The following TSSK3 variants were observed in gnomAD, a reference collection of about 807,000 sequenced individuals.
TSSK3 encodes the protein testis-specific serine/threonine-protein kinase 3.
A neutral mutation model predicts 18.9 loss-of-function variants in TSSK3; 16 were observed. The observed-to-expected ratio is 0.85, with a 90% CI of 0.57 to 1.28. The LOEUF (loss-of-function observed/expected upper bound fraction) is 1.28, where lower values mean the gene tolerates loss of function less well. Ranked by LOEUF, TSSK3 falls within the 50% of genes most tolerant of loss-of-function variation. The pLI is 0.00. For missense variants in TSSK3, 345 were observed against 341.0 expected (o/e 1.01, Z -0.09); for synonymous variants, 146 against 133.9 (o/e 1.09, Z -0.62).
Position 32,363,948 on chromosome 1 carries a change from C to G in TSSK3, c.499C>G (p.Gln167Glu). The G allele has an allele frequency of 1.9e-6, 3 of 1,614,258 alleles. No homozygotes were observed. The highest frequency in any genetic ancestry group is 2.5e-6 in the Non-Finnish European group (3 of 1,180,052). The change falls in exon 2 of 2, where the codon CAG becomes GAG. Residue 167 changes from glutamine (Q) to glutamate (E), a missense_variant. Coordinates refer to ENST00000373534, the MANE Select transcript of TSSK3 (RefSeq NM_052841.4). The part of the protein sequence containing the change: ...VLPKSHRELS[Q>E]TFCGSTAYAA... ...GCCCAAGTCACACCGGGAGCTGAGC[C>G]AGACCTTCTGCGGCAGTACAGCCTA...
chr1:32,362,584 C>A lies in TSSK3; in HGVS notation c.-118C>A. ...ACAGAGAATGTTCTAACGCTGGGGG[C>A]GGCTGCGGATGAAGTCCTTGGGGAG... On this transcript the variant is annotated 5_prime_UTR_variant, in exon 1 of 2. Transcript: ENST00000373534. 1 of 1,212,554 alleles carries A rather than the reference C, an allele frequency of 8.2e-7. No homozygotes were observed. The highest frequency in any genetic ancestry group is 1.2e-6 in the Non-Finnish European group (1 of 855,670). 75.1% of individuals were successfully genotyped at this position (1,212,554 alleles called of 1,614,324 possible). A position where few individuals can be genotyped will look rare whatever the true frequency, so the allele number is the denominator to read the frequency against.
rs561657264 is a variant in TSSK3, at chr1:32,363,786, G to A, written c.337G>A (p.Ala113Thr). 8 of 1,614,274 alleles carry A rather than the reference G, an allele frequency of 5.0e-6. No homozygotes were observed. The East Asian group carries it at 1.3e-4, about 27-fold the overall frequency. Residue 113 changes from alanine to threonine, a missense_variant, in exon 2 of 2, where the codon GCC (alanine) becomes ACC (threonine). Physicochemically the swap from Ala to Thr is moderately conservative, Grantham distance 58. Coordinates refer to ENST00000373534, the MANE Select transcript of TSSK3 (RefSeq NM_052841.4). ...GGPLPESRAKALFRQMVEAIR... is the reference protein window; with the variant it reads ...GGPLPESRAKTLFRQMVEAIR... ...GCCACTGCCTGAAAGCCGGGCCAAG[G>A]CCCTCTTCCGTCAGATGGTTGAGGC... is the stretch of plus-strand genomic sequence containing the variant.
In TSSK3 at chr1:32,363,956, C is replaced by G; in HGVS notation, c.507C>G (p.Phe169Leu). Residue 169 changes from phenylalanine (F) to leucine (L), a missense_variant, in exon 2 of 2, where the codon TTC (phenylalanine) becomes TTG (leucine). Coordinates refer to ENST00000373534, the MANE Select transcript of TSSK3 (RefSeq NM_052841.4). ...PKSHRELSQT[F>L]CGSTAYAAPE... The stretch of plus-strand genomic sequence containing the variant: ...CACACCGGGAGCTGAGCCAGACCTT[C>G]TGCGGCAGTACAGCCTATGCTGCCC... The G allele has an allele frequency of 6.2e-7, 1 of 1,614,282 alleles. No individual in the cohort carries two copies. Among genetic ancestry groups the G allele is most frequent in the Non-Finnish European group, 8.5e-7 (1 of 1,180,044 alleles).
Position 32,364,025 on chromosome 1 carries a change from T to C in TSSK3, c.576T>C (p.Asp192=), listed in dbSNP as rs1186753109. 8 of 1,614,130 alleles carry C rather than the reference T, an allele frequency of 5.0e-6. No homozygotes were observed. The highest frequency in any genetic ancestry group is 4.2e-6 in the Non-Finnish European group (5 of 1,180,052). ...TTCCCCACGATAGCAAAAAAGGTGA[T>C]GTCTGGAGCATGGGTGTGGTCCTGT... ...QGIPHDSKKG[D]VWSMGVVLYV... The change falls in exon 2 of 2, where the codon GAT becomes GAC. Residue 192 remains aspartate (D), a synonymous_variant. Coordinates refer to ENST00000373534, the MANE Select transcript of TSSK3 (RefSeq NM_052841.4).
Position 32,363,128 on chromosome 1 carries a change from G to C in TSSK3, c.145+282G>C, listed in dbSNP as rs116353672. On this transcript the variant is annotated intron_variant, in intron 1 of 1. Coordinates refer to ENST00000373534, the MANE Select transcript of TSSK3 (RefSeq NM_052841.4). Reference sequence around the variant, plus strand: ...CTTTCCTTTCCGGCAGGGGAACAGAGACTGGCAGAGGCCACAACCAGGGCT... The same window carrying C: ...CTTTCCTTTCCGGCAGGGGAACAGACACTGGCAGAGGCCACAACCAGGGCT... 320 of 431,956 alleles carry C rather than the reference G, an allele frequency of 7.4e-4. 1 individual carries two copies. Among genetic ancestry groups the C allele is most frequent in the African/African-American group, 5.7e-3 (287 of 50,616 alleles). The allele number at this position is 431,956 out of a possible 1,614,324, so 26.8% of individuals were successfully genotyped here.
intron 1 of TSSK3, 47 bp from the exon 2 acceptor site, chr1:32,363,548 G>A (rs1413501726): frequency 1.3e-6 from 2 of 1,559,722 alleles, no homozygotes; most frequent in Non-Finnish European, 1.7e-6. Context: ...TGAGGAGGTG[G>A]GCCTTTCTGA....
At position 32,362,741 on chromosome 1, in the gene TSSK3, A is replaced by G; in HGVS notation, c.40A>G (p.Lys14Glu). The G allele has an allele frequency of 6.2e-7, 1 of 1,614,170 alleles. No individual in the cohort carries two copies. The highest frequency in any genetic ancestry group is 8.5e-7 in the Non-Finnish European group (1 of 1,180,010). Residue 14 changes from lysine (K) to glutamate (E), a missense_variant, in exon 1 of 2, where the codon AAG (lysine) becomes GAG (glutamate). Lys to Glu is a moderately conservative substitution (Grantham distance 56). Transcript: ENST00000373534. Reference sequence around the variant, plus strand: ...GCTCTCCAATGGGTACCAGCTGGGCAAGACCATTGGGGAAGGGACCTACTC... The same window carrying G: ...GCTCTCCAATGGGTACCAGCTGGGCGAGACCATTGGGGAAGGGACCTACTC... ...FLLSNGYQLG[K>E]TIGEGTYSKV... is the part of the protein sequence containing the mutation.
Position 32,363,289 on chromosome 1 carries a change from T to C in TSSK3, c.146-306T>C, listed in dbSNP as rs577692233. 3.8e-5 allele frequency: 15 copies of C among 398,944 alleles called. No homozygotes were observed. In the Admixed American group the frequency reaches 5.2e-4, roughly 14 times the overall value. The allele number at this position is 398,944 out of a possible 1,614,324, so 24.7% of individuals were successfully genotyped here. On this transcript the variant is annotated intron_variant, in intron 1 of 1. Coordinates refer to ENST00000373534, the MANE Select transcript of TSSK3 (RefSeq NM_052841.4). ...CACCCTGTGGACAAATCAGGCCTTA[T>C]AATTTGTGATTCTGTGGCTTTGTCT...
chr1:32,363,668 G>T lies in TSSK3; in HGVS notation c.219G>T (p.Val73=). 6.2e-7 allele frequency: 1 copy of T among 1,614,228 alleles called. No individual in the cohort carries two copies. The highest frequency in any genetic ancestry group is 8.5e-7 in the Non-Finnish European group (1 of 1,180,038). ...RTLDHKNIIQ[V]YEMLESADGK... ...TGGACCACAAGAACATCATCCAGGT[G>T]TATGAGATGCTGGAGTCTGCCGACG... is the stretch of plus-strand genomic sequence containing the variant. Residue 73 remains valine (V), a synonymous_variant, in exon 2 of 2, where the codon GTG becomes GTT. Transcript: ENST00000373534.
intron 1 of TSSK3, 162 bp from the exon 2 acceptor site, chr1:32,363,433 A>G (rs973909655): frequency 1.5e-6 from 1 of 671,346 alleles, no homozygotes; most frequent in Non-Finnish European, 2.5e-6. Context: ...AGAAGTGAAC[A>G]TTCTTTGCAA....
intron 1 of TSSK3, chr1:32,363,115 G>C: frequency 2.2e-6 from 1 of 448,416 alleles, no homozygotes; most frequent in Non-Finnish European, 4.1e-6. Flanking sequence ...TTCCTTTCCG[G>C]CAGGGGAACA....
At chr1:32,363,167 G>A (rs1641739025) in intron 1 of TSSK3, 1 of 384,674 alleles carries the variant, frequency 2.6e-6, no homozygotes, top group Non-Finnish European at 4.8e-6. Context: ...AGAGAACAGG[G>A]GCTGGTGCCA....
Position 32,362,774 on chromosome 1 carries a change from AAAG to A in TSSK3, c.77_79del (p.Glu26del). On this transcript the variant is annotated inframe_deletion, in exon 1 of 2. Transcript: ENST00000373534. ...TGGGGAAGGGACCTACTCAAAAGTC[AAAG>A]AAGCATTTTCCAAAAAACACCAAAG... 6.2e-7 allele frequency: 1 copy of A among 1,614,196 alleles called. No individual in the cohort carries two copies. Among genetic ancestry groups the A allele is most frequent in the Non-Finnish European group, 8.5e-7 (1 of 1,180,024 alleles).
Position 32,363,621 on chromosome 1 carries a change from G to A in TSSK3, c.172G>A (p.Glu58Lys). ...EEFIQRFLPR[E>K]LQIVRTLDHK... ...GTTTATCCAGAGATTCCTCCCTCGG[G>A]AGCTCCAAATCGTCCGTACCCTGGA... Residue 58 changes from glutamate (E) to lysine (K), a missense_variant, in exon 2 of 2, where the codon GAG becomes AAG. Transcript: ENST00000373534. 1.2e-6 allele frequency: 2 copies of A among 1,613,132 alleles called. No homozygotes were observed. The highest frequency in any genetic ancestry group is 1.7e-6 in the Non-Finnish European group (2 of 1,179,332).
chr1:32,362,765 T>C lies in TSSK3; in HGVS notation c.64T>C (p.Ser22Pro). Residue 22 changes from serine (S) to proline (P), a missense_variant, in exon 1 of 2, where the codon TCA becomes CCA. Ser to Pro is a moderately conservative substitution (Grantham distance 74, BLOSUM62 -1). Coordinates refer to ENST00000373534, the MANE Select transcript of TSSK3 (RefSeq NM_052841.4). Reference sequence around the variant, plus strand: ...CAAGACCATTGGGGAAGGGACCTACTCAAAAGTCAAAGAAGCATTTTCCAA... The same window carrying C: ...CAAGACCATTGGGGAAGGGACCTACCCAAAAGTCAAAGAAGCATTTTCCAA... ...LGKTIGEGTY[S>P]KVKEAFSKKH... The C allele has an allele frequency of 6.2e-7, 1 of 1,613,958 alleles. No homozygotes were observed. The highest frequency in any genetic ancestry group is 8.5e-7 in the Non-Finnish European group (1 of 1,179,994).
chr1:32,362,746 C>A lies in TSSK3; in HGVS notation c.45C>A (p.Thr15=). The change falls in exon 1 of 2, where the codon ACC becomes ACA. Residue 15 remains threonine, a synonymous_variant. Transcript: ENST00000373534. The part of the protein sequence containing the change: ...LLSNGYQLGK[T]IGEGTYSKVK... The stretch of plus-strand genomic sequence containing the variant: ...CCAATGGGTACCAGCTGGGCAAGAC[C>A]ATTGGGGAAGGGACCTACTCAAAAG... The A allele has an allele frequency of 1.9e-6, 3 of 1,614,098 alleles. No individual in the cohort carries two copies. Among genetic ancestry groups the A allele is most frequent in the Non-Finnish European group, 2.5e-6 (3 of 1,180,018 alleles).
Position 32,364,015 on chromosome 1 carries a change from A to G in TSSK3, c.566A>G (p.Lys189Arg). The change falls in exon 2 of 2, where the codon AAA (lysine) becomes AGA (arginine). Residue 189 changes from lysine (K) to arginine (R), a missense_variant. Transcript: ENST00000373534. ...CTGCAGGGCATTCCCCACGATAGCAAAAAAGGTGATGTCTGGAGCATGGGT... is the reference window on the plus strand; with the variant it reads ...CTGCAGGGCATTCCCCACGATAGCAGAAAAGGTGATGTCTGGAGCATGGGT... ...EVLQGIPHDS[K>R]KGDVWSMGVV... 1 of 1,614,218 alleles carries G rather than the reference A, an allele frequency of 6.2e-7. No individual in the cohort carries two copies. Among genetic ancestry groups the G allele is most frequent in the South Asian group, 1.1e-5 (1 of 91,082 alleles).
rs775377564 is a variant in TSSK3 at position 32,363,781 on chromosome 1, C to G, written c.332C>G (p.Ala111Gly). Reference protein sequence around the residue: ...LNGGPLPESRAKALFRQMVEA... With the variant: ...LNGGPLPESRGKALFRQMVEA... ...GGGGGGCCACTGCCTGAAAGCCGGG[C>G]CAAGGCCCTCTTCCGTCAGATGGTT... Residue 111 changes from alanine (A) to glycine (G), a missense_variant, in exon 2 of 2, where the codon GCC (alanine) becomes GGC (glycine). Physicochemically the swap from Ala to Gly is moderately conservative, Grantham distance 60. Transcript: ENST00000373534. 6.2e-7 allele frequency: 1 copy of G among 1,614,246 alleles called. No individual in the cohort carries two copies. Among genetic ancestry groups the G allele is most frequent in the East Asian group, 2.2e-5 (1 of 44,890 alleles).
intron 1 of TSSK3, 22 bp downstream of exon 1, chr1:32,362,868 G>T: frequency 6.2e-7 from 1 of 1,613,458 alleles, no homozygotes; most frequent in Non-Finnish European, 8.5e-7. Context: ...CCCCTTTGGA[G>T]GGAAGGAGGG....
Sources: allele counts gnomAD v4.1 joint callset, GRCh38; gene constraint gnomAD v4.1.1; transcripts MANE v1.5; gene names NCBI Gene and HGNC (gene_info 2026-07-23, HGNC 2026-07-21).